The following TOX2 variants were observed in gnomAD, a reference collection of about 807,000 sequenced individuals.
TOX2 encodes granulosa cell HMG box 1.
A neutral mutation model predicts 47.4 loss-of-function variants in TOX2; 15 were observed. That is an observed-to-expected ratio of 0.32 (90% CI 0.21 to 0.49). The LOEUF (loss-of-function observed/expected upper bound fraction) is 0.49, where lower values mean the gene tolerates loss of function less well. Ranked by LOEUF, TOX2 falls within the 20% of genes least tolerant of loss-of-function variation. The pLI is 0.99. For synonymous variants in TOX2, 290 were observed against 296.6 expected, an observed-to-expected ratio of 0.98 and a Z score of 0.23; for missense variants, 622 against 673.1, an observed-to-expected ratio of 0.92 and a Z score of 0.84.
Position 44,048,388 on chromosome 20 carries a change from T to TTTTATATATATATATATA in TOX2, c.412-2917_412-2916insTTATATATATATATATAT, listed in dbSNP as rs1555845973. On this transcript the variant is annotated intron_variant, in intron 3 of 8. Coordinates refer to ENST00000341197, the MANE Select transcript of TOX2 (RefSeq NM_001098797.2). ...ATGTTAGTATCTGGATAAAATGAAT[T>TTTTATATATATATATATA]TATATATATATATATATATATATAT... Among the ~76,000 whole-genome samples the TTTTATATATATATATATA allele has an allele frequency of 4.6e-5, 4 of 86,850 alleles. No individual in the cohort carries two copies. The East Asian group carries it at 9.0e-4, about 20-fold the overall frequency. 57.0% of individuals were successfully genotyped at this position (86,850 alleles called of 152,430 possible). A position where few individuals can be genotyped will look rare whatever the true frequency, so the allele number is the denominator to read the frequency against.
At chr20:43,957,567 C>CT (rs35133028) in intron 1 of TOX2, among the ~76,000 whole-genome samples, 15,854 of 105,626 alleles carry the variant, frequency 0.15, 1,036 homozygotes, top group Middle Eastern at 0.22. Context: ...TAAATGCCCT[C>CT]TTTTTTTTTT....
intron 1 of TOX2, among the ~76,000 whole-genome samples, chr20:43,919,800 T>C (rs934484621): frequency 6.6e-6 from 1 of 152,244 alleles, no homozygotes; most frequent in Non-Finnish European, 1.5e-5. Context: ...TATGTTAATT[T>C]GCTGAGGATA....
intron 4 of TOX2, 56 bp downstream of exon 4, chr20:44,051,601 G>T: frequency 6.6e-7 from 1 of 1,519,330 alleles, no homozygotes; most frequent in Non-Finnish European, 8.8e-7. Context: ...CAGGGAAGGG[G>T]TCCTGTGGGG....
At position 43,915,472 on chromosome 20, in the gene TOX2, G is replaced by A. The variant is rs1212162516; in HGVS notation, c.99+482G>A. 1.3e-5 allele frequency among the ~76,000 whole-genome samples: 2 copies of A among 152,046 alleles called. No homozygotes were observed. Among genetic ancestry groups the A allele is most frequent in the South Asian group, 2.1e-4 (1 of 4,816 alleles). Reference sequence around the variant, plus strand: ...GCTGTCACACCCAGGCACAACGGGGGACAGTCACACAAAGAAGTCGCCCGA... The same window carrying A: ...GCTGTCACACCCAGGCACAACGGGGAACAGTCACACAAAGAAGTCGCCCGA... On this transcript the variant is annotated intron_variant, in intron 1 of 8. Coordinates refer to ENST00000341197, the MANE Select transcript of TOX2 (RefSeq NM_001098797.2). This position sits in a 1 kb window ranked among gnomAD's most constrained non-coding sequence, Gnocchi z 7.1.
chr20:44,061,717 G>C (rs1569148761), intron 5 of TOX2, among the ~76,000 whole-genome samples: 1 of 151,908 alleles, frequency 6.6e-6, no homozygotes, highest in Admixed American at 6.6e-5. Flanking sequence ...AGATGAACAT[G>C]AATGCAAAAA....
chr20:43,956,036 T>A (rs1267852285), intron 1 of TOX2, among the ~76,000 whole-genome samples: 1 of 152,182 alleles, frequency 6.6e-6, no homozygotes, highest in Non-Finnish European at 1.5e-5. Context: ...GGCCCTTCCC[T>A]CCAGCTCCCA....
At chr20:44,056,893 T>C (rs912189197) in intron 5 of TOX2, among the ~76,000 whole-genome samples, 1 of 152,216 alleles carries the variant, frequency 6.6e-6, no homozygotes, top group Admixed American at 6.5e-5. Context: ...CTTTTACAAA[T>C]GATAATTTTG....
At chr20:44,007,890 T>C (rs986411120) in intron 3 of TOX2, among the ~76,000 whole-genome samples, 1 of 152,164 alleles carries the variant, frequency 6.6e-6, no homozygotes, top group Non-Finnish European at 1.5e-5. Context: ...CAACCACTAA[T>C]TGACTTTCTG....
chr20:44,042,387 GT>G (rs748572415), intron 3 of TOX2, among the ~76,000 whole-genome samples: 55 of 152,328 alleles, frequency 3.6e-4, no homozygotes, highest in Admixed American at 7.8e-4. Context: ...GGATGTAAAA[GT>G]TTGTTGAAAG....
chr20:44,021,569 C>T (rs549494509), intron 3 of TOX2, among the ~76,000 whole-genome samples: 32 of 152,262 alleles, frequency 2.1e-4, no homozygotes, highest in Admixed American at 2.0e-3. Context: ...CTTCTGTATC[C>T]CTCCTCTGAG....
At chr20:43,919,543 T>A (rs191342531) in intron 1 of TOX2, among the ~76,000 whole-genome samples, 48 of 152,306 alleles carry the variant, frequency 3.2e-4, no homozygotes, top group Non-Finnish European at 2.9e-5. Flanking sequence ...CCAGGATACA[T>A]GTGCAGGATG....
chr20:43,928,918 C>T lies in TOX2; in HGVS notation c.99+13928C>T, dbSNP rs147261910. Among the ~76,000 whole-genome samples, 36 of 144,606 alleles carry T rather than the reference C, an allele frequency of 2.5e-4. No homozygotes were observed. The East Asian group carries it at 5.2e-3, about 21-fold the overall frequency. The allele number at this position is 144,606 out of a possible 152,430, so 94.9% of individuals were successfully genotyped here. ...GGGAGGCAGAGGCGGGTGGATCATTCGAGGTCAGGAGTTCAAGACCAGCCT... is the reference window on the plus strand; with the variant it reads ...GGGAGGCAGAGGCGGGTGGATCATTTGAGGTCAGGAGTTCAAGACCAGCCT... On this transcript the variant is annotated intron_variant, in intron 1 of 8. Transcript: ENST00000341197.
intron 4 of TOX2, 121 bp downstream of exon 4, chr20:44,051,666 C>T (rs1362220192): frequency 7.8e-6 from 11 of 1,408,514 alleles, no homozygotes; most frequent in Non-Finnish European, 9.4e-6. Flanking sequence ...GTCCCAAGGT[C>T]CCCGTAGGTG....
chr20:43,995,195 G>T (rs140490364), intron 2 of TOX2, among the ~76,000 whole-genome samples: 51 of 152,256 alleles, frequency 3.3e-4, no homozygotes, highest in Middle Eastern at 3.4e-3. Flanking sequence ...TTTCAGAAGT[G>T]CTACAATACT....
At chr20:43,973,296 C>T (rs1003828473) in intron 1 of TOX2, 71 bp from the exon 2 acceptor site, 34 of 1,489,028 alleles carry the variant, frequency 2.3e-5, no homozygotes, top group African/African-American at 5.5e-5. Context: ...TGCCCTCCTC[C>T]GGCTGCTTCT....
At chr20:43,925,131 G>T (rs1012940817) in intron 1 of TOX2, among the ~76,000 whole-genome samples, 20 of 152,080 alleles carry the variant, frequency 1.3e-4, no homozygotes, top group African/African-American at 4.6e-4. Flanking sequence ...GTGGTCTTTT[G>T]TTTCCTGCAT....
chr20:44,003,934 G>T (rs2070632725), intron 2 of TOX2, among the ~76,000 whole-genome samples: 1 of 152,224 alleles, frequency 6.6e-6, no homozygotes, highest in African/African-American at 2.4e-5. Context: ...GACATCGTGT[G>T]ATGATCATCT....
At position 43,917,931 on chromosome 20, in the gene TOX2, G is replaced by A. The variant is rs1185530564; in HGVS notation, c.99+2941G>A. Among the ~76,000 whole-genome samples the A allele has an allele frequency of 5.3e-5, 8 of 152,306 alleles. No homozygotes were observed. In the East Asian group the frequency reaches 1.5e-3, roughly 29 times the overall value. On this transcript the variant is annotated intron_variant, in intron 1 of 8. Coordinates refer to ENST00000341197, the MANE Select transcript of TOX2 (RefSeq NM_001098797.2). ...CTCCCAGGATCTGTGGCTCCATGCT[G>A]GGAACCATTGGTCTCCTCCTTCTTT... is the stretch of plus-strand genomic sequence containing the variant.
chr20:43,944,130 G>C (rs1353048843), intron 1 of TOX2, among the ~76,000 whole-genome samples: 1 of 152,190 alleles, frequency 6.6e-6, no homozygotes, highest in Non-Finnish European at 1.5e-5. Context: ...TGAGACGAGT[G>C]TCATGTGCCT....
Sources: allele counts gnomAD v4.1 joint callset (sites outside exome capture counted in the v4.1 genomes callset), GRCh38; gene constraint gnomAD v4.1.1; non-coding constraint Gnocchi (gnomAD v3.1); transcripts MANE v1.5; gene names NCBI Gene and HGNC (gene_info 2026-07-23, HGNC 2026-07-21).